SLC1A6: variants seen among roughly 807,000 people sequenced by gnomAD.
The protein encoded by SLC1A6 is excitatory amino acid transporter 4.
SLC1A6 carries 15 observed loss-of-function variants against 42.1 expected under a neutral mutation model. That is an observed-to-expected ratio of 0.36 (90% CI 0.24 to 0.55). The LOEUF is 0.55. Among genes scored for constraint, SLC1A6 ranks in the 20% least tolerant of loss-of-function variants. SLC1A6 has a pLI of 0.88. For synonymous variants in SLC1A6, 317 were observed against 319.7 expected (o/e 0.99, Z 0.09); for missense variants, 542 against 772.5 (o/e 0.70, Z 3.54).
chr19:14,985,932 T>C (rs1220711087), intron 1 of SLC1A6, among the ~76,000 whole-genome samples: 1 of 152,040 alleles, frequency 6.6e-6, no homozygotes, highest in African/African-American at 2.4e-5. Flanking sequence ...CACTCCAGCC[T>C]GGGCAGCAGA....
chr19:15,004,630 T>G (rs2045887655), intron 1 of SLC1A6, among the ~76,000 whole-genome samples: 1 of 151,274 alleles, frequency 6.6e-6, no homozygotes, highest in Admixed American at 6.6e-5. Context: ...GACCAGGAGT[T>G]GGAGGCTTTA....
chr19:14,994,672 G>T (rs2045836601), intron 1 of SLC1A6, among the ~76,000 whole-genome samples: 1 of 152,082 alleles, frequency 6.6e-6, no homozygotes, highest in Non-Finnish European at 1.5e-5. Flanking sequence ...ATAAATTTGG[G>T]GACCCCAAAA....
intron 2 of SLC1A6, among the ~76,000 whole-genome samples, chr19:14,972,335 T>A (rs80107309): frequency 0.016 from 2,374 of 152,292 alleles, 62 homozygotes; most frequent in African/African-American, 0.054. Context: ...CATGTAGAGA[T>A]GTGAATGTGT....
chr19:14,975,854 GGGAA>G, intron 1 of SLC1A6, among the ~76,000 whole-genome samples: 2 of 132,272 alleles, frequency 1.5e-5, no homozygotes, highest in African/African-American at 6.1e-5. Flanking sequence ...ACAAAGGGAA[GGGAA>G]GGGAAGGGAA....
intron 1 of SLC1A6, among the ~76,000 whole-genome samples, chr19:14,997,767 C>A (rs915005394): frequency 2.0e-5 from 3 of 152,166 alleles, no homozygotes; most frequent in African/African-American, 7.2e-5. Flanking sequence ...TTGAAAGCCA[C>A]AGGAATTTAT....
chr19:15,002,964 A>ATTTTGTTGTTGTTGTTGTTGTTGTTGT (rs55727450), intron 1 of SLC1A6, among the ~76,000 whole-genome samples: 3 of 150,814 alleles, frequency 2.0e-5, no homozygotes, highest in African/African-American at 7.3e-5. Context: ...TTTTTGTGGG[A>ATTTTGTTGTTGTTGTTGTTGTTGTTGT]TGTTGTTGTT....
At chr19:15,010,215 AAGAG>A (rs1351059380) in intron 1 of SLC1A6, among the ~76,000 whole-genome samples, 1 of 84,340 alleles carries the variant, frequency 1.2e-5, no homozygotes. Context: ...AGAAAAAAGA[AAGAG>A]AGAGAGAGAA....
chr19:14,972,645 G>T, intron 2 of SLC1A6, 61 bp downstream of exon 2: 1 of 1,441,560 alleles, frequency 6.9e-7, no homozygotes, highest in South Asian at 1.2e-5. Flanking sequence ...TAGAGGCCAG[G>T]AATTTCCCTG....
intron 1 of SLC1A6, among the ~76,000 whole-genome samples, chr19:14,985,847 A>T (rs77107203): frequency 6.6e-6 from 1 of 152,206 alleles, no homozygotes; most frequent in East Asian, 1.9e-4. Context: ...CCACTCAGCT[A>T]CTCAGGAGGC....
chr19:15,008,762 T>G (rs2045908717), intron 1 of SLC1A6, among the ~76,000 whole-genome samples: 1 of 152,030 alleles, frequency 6.6e-6, no homozygotes, highest in African/African-American at 2.4e-5. Context: ...GGAAGTCGAA[T>G]TGCTTGAGTC....
At chr19:14,959,344 A>G (rs1249591879) in intron 6 of SLC1A6, among the ~76,000 whole-genome samples, 2 of 152,250 alleles carry the variant, frequency 1.3e-5, no homozygotes, top group East Asian at 1.9e-4. Flanking sequence ...GCTCCAGCCA[A>G]TGGAGACAGA....
At chr19:14,960,161 ATAAG>A (rs1484925807) in intron 6 of SLC1A6, among the ~76,000 whole-genome samples, 6 of 152,254 alleles carry the variant, frequency 3.9e-5, no homozygotes, top group African/African-American at 1.2e-4. Context: ...AACTGGATGA[ATAAG>A]TAAGGAAATA....
chr19:14,964,382 A>G, intron 4 of SLC1A6, 21 bp from the exon 5 acceptor site: 1 of 1,612,130 alleles, frequency 6.2e-7, no homozygotes, highest in Non-Finnish European at 8.5e-7. Flanking sequence ...ACATGAGAAG[A>G]AGGAAAGTGG....
At chr19:14,984,484 A>G (rs1176166065), upstream of SLC1A6, among the ~76,000 whole-genome samples, 1 of 152,262 alleles carries the variant, frequency 6.6e-6, no homozygotes, top group East Asian at 1.9e-4. Context: ...ACAGACAGGC[A>G]GTTGAAAAGG....
chr19:14,984,370 A>C (rs2045782838), upstream of SLC1A6, among the ~76,000 whole-genome samples: 2 of 152,198 alleles, frequency 1.3e-5, no homozygotes, highest in African/African-American at 4.8e-5. Flanking sequence ...ACTTCATAGA[A>C]TATAACTACC....
intron 1 of SLC1A6, among the ~76,000 whole-genome samples, chr19:15,004,023 G>T (rs1461437191): frequency 1.3e-5 from 2 of 152,044 alleles, no homozygotes; most frequent in Non-Finnish European, 2.9e-5. Context: ...GGGCGTGGTG[G>T]TGGGCCCCTG....
rs760331483 is a variant in SLC1A6, at chr19:14,950,333, G to A, written c.1557C>T (p.Ile519=). The A allele has an allele frequency of 2.3e-5, 37 of 1,611,178 alleles. No homozygotes were observed. The highest frequency in any genetic ancestry group is 5.3e-5 in the African/African-American group (4 of 74,914). The change falls in exon 10 of 10, where the codon ATC becomes ATT. Residue 519 remains isoleucine (I), a synonymous_variant. Transcript: ENST00000594383. The stretch of plus-strand genomic sequence containing the variant: ...CCAGCTCCCGCTGAGACAAGTGCTC[G>A]ATGACGGCCGCTCCAATTGAGTCCC... ...VLGDSIGAAV[I]EHLSQRELEL... is the part of the protein sequence containing the mutation.
intron 1 of SLC1A6, among the ~76,000 whole-genome samples, chr19:15,003,305 AG>A (rs1212800364): frequency 6.6e-6 from 1 of 152,176 alleles, no homozygotes; most frequent in African/African-American, 2.4e-5. Flanking sequence ...GGGACTGACC[AG>A]GGGTACAGCC....
At chr19:14,995,326 CAA>C (rs1173848535) in intron 1 of SLC1A6, among the ~76,000 whole-genome samples, 996 of 52,918 alleles carry the variant, frequency 0.019, 18 homozygotes, top group African/African-American at 0.071. Context: ...ACTCCATCTC[CAA>C]AAAAAAAAAA....
Sources: allele counts gnomAD v4.1 joint callset (sites outside exome capture counted in the v4.1 genomes callset), GRCh38; gene constraint gnomAD v4.1.1; transcripts MANE v1.5; gene names NCBI Gene and HGNC (gene_info 2026-07-23, HGNC 2026-07-21).